URB2: variants seen among roughly 807,000 people sequenced by gnomAD.
URB2 encodes the protein URB2 ribosome biogenesis homolog.
Under a neutral mutation model 120.9 loss-of-function variants are expected in URB2, and 86 were observed. The observed-to-expected ratio is 0.71, with a 90% confidence interval of 0.60 to 0.85. The LOEUF (loss-of-function observed/expected upper bound fraction) is 0.85, where lower values mean the gene tolerates loss of function less well. Ranked by LOEUF, URB2 falls within the 40% of genes least tolerant of loss-of-function variation. The pLI is 0.00. For missense variants in URB2, 1,765 were observed against 1,836.5 expected (o/e 0.96, Z 0.71); for synonymous variants, 755 against 758.4 (o/e 1.00, Z 0.07).
intron 9 of URB2, among the ~76,000 whole-genome samples, chr1:229,655,620 A>G (rs972147420): frequency 1.3e-5 from 2 of 152,252 alleles, no homozygotes; most frequent in African/African-American, 4.8e-5. Flanking sequence ...AGTTCACTAC[A>G]GAACTTTGTA....
In URB2 at chr1:229,635,813, T is replaced by C. The variant is rs973346410; in HGVS notation, c.1200T>C (p.His400=). The C allele has an allele frequency of 6.2e-6, 10 of 1,614,144 alleles. No individual in the cohort carries two copies. The highest frequency in any genetic ancestry group is 8.5e-6 in the Non-Finnish European group (10 of 1,179,988). The change falls in exon 4 of 10, where the codon CAT becomes CAC. Residue 400 remains histidine, a synonymous_variant. Transcript: ENST00000258243. ...YRHVAELLIN[H]AQAPIPAWFR... ...ACGTGGCTGAGCTGCTGATAAACCA[T>C]GCACAAGCACCCATACCGGCCTGGT...
intron 1 of URB2, among the ~76,000 whole-genome samples, chr1:229,627,157 T>C (rs1458379751): frequency 6.6e-6 from 1 of 152,270 alleles, no homozygotes; most frequent in Non-Finnish European, 1.5e-5. Flanking sequence ...GGAAGGTTAC[T>C]GTTGCAGCTG....
chr1:229,649,009 C>T (rs1050252014), intron 7 of URB2, among the ~76,000 whole-genome samples: 2 of 152,148 alleles, frequency 1.3e-5, no homozygotes, highest in African/African-American at 4.8e-5. Flanking sequence ...ACAGTTGTAA[C>T]ACAATGGTAA....
intron 4 of URB2, among the ~76,000 whole-genome samples, chr1:229,639,828 G>A (rs910479074): frequency 6.6e-6 from 1 of 152,130 alleles, no homozygotes; most frequent in African/African-American, 2.4e-5. Flanking sequence ...CTAGGACCTC[G>A]TACACAGCCT....
At chr1:229,631,597 C>T (rs938088482) in intron 2 of URB2, among the ~76,000 whole-genome samples, 4 of 152,036 alleles carry the variant, frequency 2.6e-5, no homozygotes, top group Admixed American at 6.6e-5. Context: ...AATATTATTG[C>T]GTCTCAAGGA....
At chr1:229,649,620 T>A (rs1666223466) in intron 7 of URB2, among the ~76,000 whole-genome samples, 1 of 151,744 alleles carries the variant, frequency 6.6e-6, no homozygotes, top group Non-Finnish European at 1.5e-5. Context: ...GTGTAGGGAA[T>A]CTGATGGATG....
At position 229,635,808 on chromosome 1, in the gene URB2, A is replaced by T. The variant is rs1558163856; in HGVS notation, c.1195A>T (p.Asn399Tyr). The change falls in exon 4 of 10, where the codon AAC (asparagine) becomes TAC (tyrosine). Residue 399 changes from asparagine to tyrosine, a missense_variant. Coordinates refer to ENST00000258243, the MANE Select transcript of URB2 (RefSeq NM_014777.4). ...FYRHVAELLI[N>Y]HAQAPIPAWF... ...CCGCCACGTGGCTGAGCTGCTGATA[A>T]ACCATGCACAAGCACCCATACCGGC... 1.9e-6 allele frequency: 3 copies of T among 1,614,150 alleles called. No homozygotes were observed. Among genetic ancestry groups the T allele is most frequent in the Non-Finnish European group, 2.5e-6 (3 of 1,179,998 alleles).
chr1:229,648,914 C>T (rs1379051304), intron 7 of URB2, among the ~76,000 whole-genome samples: 1 of 152,210 alleles, frequency 6.6e-6, no homozygotes, highest in Non-Finnish European at 1.5e-5. Context: ...CAGAGTACTG[C>T]ACACCTAGGC....
rs778470642 is a variant in URB2 at position 229,637,133 on chromosome 1, G to T, written c.2520G>T (p.Trp840Cys). ...GTCTTGTCAGTCAGCAGCTTCCCTG[G>T]CTTTTTGAAAAGGACCACATGGTTG... is the stretch of plus-strand genomic sequence containing the variant. The part of the protein sequence containing the change: ...DSGLVSQQLP[W>C]LFEKDHMVVG... Residue 840 changes from tryptophan to cysteine, a missense_variant, in exon 4 of 10, where the codon TGG becomes TGT. Coordinates refer to ENST00000258243, the MANE Select transcript of URB2 (RefSeq NM_014777.4). The T allele has an allele frequency of 6.2e-7, 1 of 1,613,084 alleles. No homozygotes were observed. The highest frequency in any genetic ancestry group is 1.1e-5 in the South Asian group (1 of 90,994).
At position 229,647,596 on chromosome 1, in the gene URB2, G is replaced by T; in HGVS notation, c.3993G>T (p.Arg1331=). 2 of 1,614,176 alleles carry T rather than the reference G, an allele frequency of 1.2e-6. No homozygotes were observed. Among genetic ancestry groups the T allele is most frequent in the Non-Finnish European group, 1.7e-6 (2 of 1,180,028 alleles). The stretch of plus-strand genomic sequence containing the variant: ...TAGATGTCCTGGCTGCACTGCTGCG[G>T]CAGGGGGAGGAGGCCATCGGCAACC... ...PVLDVLAALL[R]QGEEAIGNPH... Residue 1331 remains arginine (R), a synonymous_variant, in exon 7 of 10, where the codon CGG becomes CGT. Coordinates refer to ENST00000258243, the MANE Select transcript of URB2 (RefSeq NM_014777.4).
Position 229,632,430 on chromosome 1 carries a change from G to C in URB2, c.288G>C (p.Gln96His), listed in dbSNP as rs754973924. 2 of 1,560,790 alleles carry C rather than the reference G, an allele frequency of 1.3e-6. No homozygotes were observed. The highest frequency in any genetic ancestry group is 1.3e-5 in the South Asian group (1 of 79,036). ...AGAATGGAAAGACCATTAATCTTCA[G>C]ATTTCCCTAGTCAAGGTAATTCACT... is the stretch of plus-strand genomic sequence containing the variant. Reference protein sequence around the residue: ...LLKNGKTINLQISLVKIINER... With the variant: ...LLKNGKTINLHISLVKIINER... Residue 96 changes from glutamine (Q) to histidine (H), a missense_variant, in exon 3 of 10, where the codon CAG becomes CAC. Transcript: ENST00000258243.
intron 9 of URB2, among the ~76,000 whole-genome samples, chr1:229,655,542 G>C (rs1484984709): frequency 6.6e-6 from 1 of 152,180 alleles, no homozygotes; most frequent in Non-Finnish European, 1.5e-5. Flanking sequence ...CCATTCAACA[G>C]TTATCTTACT....
In URB2 at chr1:229,651,215, T is replaced by G. The variant is rs757990599; in HGVS notation, c.4150-20T>G. 2 of 1,585,544 alleles carry G rather than the reference T, an allele frequency of 1.3e-6. No homozygotes were observed. The highest frequency in any genetic ancestry group is 1.7e-6 in the Non-Finnish European group (2 of 1,169,366). ...AATAATCACGTATGTACTTTTACAT[T>G]CTGTTATCTGTCATTACAGGTAATG... On this transcript the variant is annotated intron_variant, in intron 7 of 9. Transcript: ENST00000258243.
chr1:229,639,555 C>T (rs1665950407), intron 4 of URB2, among the ~76,000 whole-genome samples: 1 of 152,234 alleles, frequency 6.6e-6, no homozygotes, highest in South Asian at 2.1e-4. Flanking sequence ...CCAGGATGGT[C>T]TCGATATCCT....
At chr1:229,641,225 C>T (rs1666004941) in intron 4 of URB2, among the ~76,000 whole-genome samples, 1 of 152,126 alleles carries the variant, frequency 6.6e-6, no homozygotes, top group East Asian at 1.9e-4. Context: ...GTTGGCCAGG[C>T]TGGTCTCGAA....
chr1:229,628,132 TATA>T, intron 2 of URB2, among the ~76,000 whole-genome samples: 2 of 137,342 alleles, frequency 1.5e-5, no homozygotes, highest in South Asian at 4.3e-4. Context: ...TATATACATA[TATA>T]ATATATATAT....
At chr1:229,653,882 A>C (rs1227827223) in intron 8 of URB2, among the ~76,000 whole-genome samples, 1 of 151,330 alleles carries the variant, frequency 6.6e-6, no homozygotes, top group Non-Finnish European at 1.5e-5. Context: ...TCTCCACTTA[A>C]GATAATTTTC....
intron 2 of URB2, among the ~76,000 whole-genome samples, chr1:229,628,208 TTATACA>T (rs1355695577): frequency 6.9e-6 from 1 of 144,452 alleles, no homozygotes; most frequent in Non-Finnish European, 1.5e-5. Context: ...TGTATATATA[TTATACA>T]TATACATATT....
chr1:229,652,958 TAG>T (rs1454005703), intron 8 of URB2, among the ~76,000 whole-genome samples: 2 of 152,216 alleles, frequency 1.3e-5, no homozygotes, highest in African/African-American at 4.8e-5. Flanking sequence ...CTTAACTGAG[TAG>T]AGTTTTAACT....
Sources: allele counts gnomAD v4.1 joint callset (sites outside exome capture counted in the v4.1 genomes callset), GRCh38; gene constraint gnomAD v4.1.1; transcripts MANE v1.5; gene names NCBI Gene and HGNC (gene_info 2026-07-23, HGNC 2026-07-21).